The following PDE4D variants were observed in gnomAD, a reference collection of about 807,000 sequenced individuals.
PDE4D encodes the protein phosphodiesterase 4D.
A neutral mutation model predicts 87.4 loss-of-function variants in PDE4D; 24 were observed. That is an observed-to-expected ratio of 0.27 (90% CI 0.20 to 0.39). The LOEUF (loss-of-function observed/expected upper bound fraction) is 0.39. Ranked by LOEUF, PDE4D falls within the 10% of genes least tolerant of loss-of-function variation. The pLI, the probability that PDE4D is intolerant of heterozygous loss-of-function variation, is 1.00. For synonymous variants in PDE4D, 384 were observed against 383.2 expected (o/e 1.00, Z -0.02); for missense variants, 714 against 1,041.0 (o/e 0.69, Z 4.32).
At chr5:60,374,527 G>A (rs1255478448) in intron 1 of PDE4D, among the ~76,000 whole-genome samples, 2 of 152,116 alleles carry the variant, frequency 1.3e-5, no homozygotes, top group East Asian at 1.9e-4. Context: ...TACTGAAGTC[G>A]CCCATGAATA....
intron 1 of PDE4D, among the ~76,000 whole-genome samples, chr5:60,479,396 T>G (rs1363237659): frequency 3.9e-5 from 6 of 152,178 alleles, no homozygotes; most frequent in Non-Finnish European, 7.4e-5. Flanking sequence ...CCTCTTAATA[T>G]TCACAATGTG....
chr5:59,237,785 GTGTGTGTGTGTGTGTGT>G (rs768983901), intron 1 of PDE4D, among the ~76,000 whole-genome samples: 47,928 of 146,942 alleles, frequency 0.33, 8,095 homozygotes, highest in Admixed American at 0.42. Flanking sequence ...TCATATAGGT[GTGTGTGTGTGTGTGTGT>G]GTGTGTGTGT....
intron 1 of PDE4D, among the ~76,000 whole-genome samples, chr5:60,419,372 C>CA (rs994810005): frequency 2.6e-4 from 40 of 151,268 alleles, no homozygotes; most frequent in African/African-American, 9.7e-4. Flanking sequence ...AGACAAAACA[C>CA]AAAAAAATAT....
chr5:59,064,615 C>G (rs535308117), intron 5 of PDE4D, among the ~76,000 whole-genome samples: 1 of 152,226 alleles, frequency 6.6e-6, no homozygotes, highest in East Asian at 1.9e-4. Context: ...TTCTGCACAC[C>G]ATGGTGATTT....
At chr5:59,538,277 A>AG (rs1210536704) in intron 1 of PDE4D, among the ~76,000 whole-genome samples, 1 of 152,172 alleles carries the variant, frequency 6.6e-6, no homozygotes, top group Non-Finnish European at 1.5e-5. Flanking sequence ...AAAAAGCATG[A>AG]GAAGTATTTA....
At chr5:59,559,851 C>G (rs888322308) in intron 1 of PDE4D, among the ~76,000 whole-genome samples, 1 of 152,124 alleles carries the variant, frequency 6.6e-6, no homozygotes, top group African/African-American at 2.4e-5. Context: ...GGGCTAAGTA[C>G]GTTCACAAAA....
chr5:60,121,567 T>C (rs1352944254), intron 2 of PDE4D, among the ~76,000 whole-genome samples: 1 of 152,062 alleles, frequency 6.6e-6, no homozygotes, highest in Non-Finnish European at 1.5e-5. Context: ...CATCAGATCT[T>C]GTGAGACTTA....
At chr5:59,962,635 A>AGTT in intron 3 of PDE4D, among the ~76,000 whole-genome samples, 1 of 152,298 alleles carries the variant, frequency 6.6e-6, no homozygotes, top group Non-Finnish European at 1.5e-5. Context: ...CCTGAAGAAA[A>AGTT]GTTTAAAGTA....
In PDE4D at chr5:59,936,292, C is replaced by T. The variant is rs181757780; in HGVS notation, c.272+52196G>A. The stretch of plus-strand genomic sequence containing the variant: ...CGAGTTAATGGGTGCAGCACACCAA[C>T]GTGGCACGTGTATACATATGTAACT... On this transcript the variant is annotated intron_variant, in intron 3 of 16. Transcript: ENST00000502484. Among the ~76,000 whole-genome samples the T allele has an allele frequency of 2.3e-4, 35 of 152,100 alleles. 1 individual carries two copies. In the East Asian group the frequency reaches 5.8e-3, roughly 25 times the overall value.
intron 5 of PDE4D, among the ~76,000 whole-genome samples, chr5:59,106,052 A>C (rs1484887125): frequency 6.6e-6 from 1 of 152,244 alleles, no homozygotes; most frequent in Non-Finnish European, 1.5e-5. Flanking sequence ...CTAAGAAAGT[A>C]AACAGATTTA....
At chr5:59,612,184 C>A (rs890853770) in intron 1 of PDE4D, among the ~76,000 whole-genome samples, 3 of 151,870 alleles carry the variant, frequency 2.0e-5, no homozygotes, top group Non-Finnish European at 4.4e-5. Context: ...TCACTAATGA[C>A]CTAAAAACAA....
At chr5:59,178,447 A>G (rs1178350002) in intron 5 of PDE4D, among the ~76,000 whole-genome samples, 1 of 151,974 alleles carries the variant, frequency 6.6e-6, no homozygotes, top group Non-Finnish European at 1.5e-5. Context: ...TTAATTTCTT[A>G]ATTTCTGTGG....
intron 1 of PDE4D, among the ~76,000 whole-genome samples, chr5:59,733,005 T>C (rs553039592): frequency 6.6e-6 from 1 of 152,266 alleles, no homozygotes; most frequent in East Asian, 1.9e-4. Flanking sequence ...AGTAATGTTC[T>C]GTATGACAGT....
intron 1 of PDE4D, among the ~76,000 whole-genome samples, chr5:60,343,881 T>C (rs1052336811): frequency 1.3e-5 from 2 of 152,154 alleles, no homozygotes; most frequent in Non-Finnish European, 2.9e-5. Flanking sequence ...TTCGGGTTGT[T>C]TAATGACCCC....
intron 1 of PDE4D, among the ~76,000 whole-genome samples, chr5:59,404,257 C>T (rs1257421872): frequency 6.6e-6 from 1 of 152,132 alleles, no homozygotes; most frequent in Non-Finnish European, 1.5e-5. Context: ...GGGTTGTCTC[C>T]TCACCTTGTT....
chr5:59,039,154 G>T (rs1759134983), intron 5 of PDE4D, 183 bp from the exon 6 acceptor site: 3 of 1,357,678 alleles, frequency 2.2e-6, no homozygotes, highest in Non-Finnish European at 2.8e-6. Flanking sequence ...GTGCTCGCGG[G>T]GCGGCCGGCC....
intron 5 of PDE4D, among the ~76,000 whole-genome samples, chr5:59,076,573 T>C (rs981713016): frequency 6.6e-6 from 1 of 152,154 alleles, no homozygotes; most frequent in African/African-American, 2.4e-5. Context: ...AATTAACAAG[T>C]GTGATAAATA....
At chr5:60,096,091 A>G (rs1485841106) in intron 2 of PDE4D, among the ~76,000 whole-genome samples, 1 of 152,062 alleles carries the variant, frequency 6.6e-6, no homozygotes, top group African/African-American at 2.4e-5. Context: ...GAAGCTCTTT[A>G]GTTTAATTAG....
chr5:60,066,256 T>G (rs541222614), intron 2 of PDE4D, among the ~76,000 whole-genome samples: 11 of 152,334 alleles, frequency 7.2e-5, no homozygotes, highest in African/African-American at 2.2e-4. Flanking sequence ...TCTGTTCATA[T>G]CCTTCGCCCA....
Sources: allele counts gnomAD v4.1 joint callset (sites outside exome capture counted in the v4.1 genomes callset), GRCh38; gene constraint gnomAD v4.1.1; transcripts MANE v1.5; gene names NCBI Gene and HGNC (gene_info 2026-07-23, HGNC 2026-07-21).